ELP3: variants seen among roughly 807,000 people sequenced by gnomAD.
ELP3 encodes elongator complex protein 3.
ELP3 carries 56 observed loss-of-function variants against 74.9 expected under a neutral mutation model. The observed-to-expected ratio is 0.75, with a 90% CI of 0.60 to 0.93. The LOEUF (loss-of-function observed/expected upper bound fraction) is 0.93. Among genes scored for constraint, ELP3 ranks in the 40% least tolerant of loss-of-function variants. ELP3 has a pLI of 0.00. For synonymous variants in ELP3, 222 were observed against 239.8 expected, an observed-to-expected ratio of 0.93 and a Z score of 0.68; for missense variants, 573 against 686.5, an observed-to-expected ratio of 0.83 and a Z score of 1.85.
chr8:28,110,099 C>A (rs906924002), intron 5 of ELP3, among the ~76,000 whole-genome samples: 1 of 151,984 alleles, frequency 6.6e-6, no homozygotes, highest in Non-Finnish European at 1.5e-5. Context: ...CTTTGGTGAC[C>A]CTGGGATTCC....
chr8:28,110,543 G>GT, intron 6 of ELP3, 105 bp downstream of exon 6: 1 of 1,042,396 alleles, frequency 9.6e-7, no homozygotes, highest in Non-Finnish European at 1.4e-6. Flanking sequence ...TGAAAAAGGT[G>GT]TTTTTCCTCT....
chr8:28,150,275 GTT>G (rs1178128954), intron 10 of ELP3, among the ~76,000 whole-genome samples: 55 of 152,202 alleles, frequency 3.6e-4, no homozygotes, highest in African/African-American at 1.3e-3. Context: ...AAAAGGAAAG[GTT>G]TTATTTTACC....
Position 28,102,472 on chromosome 8 carries a change from A to G in ELP3, c.258+2506A>G, listed in dbSNP as rs188750052. ...ATTTTGTCCTACCTACATGAAATGC[A>G]TCTTTAACAGTGTCACAAGAGTGAT... On this transcript the variant is annotated intron_variant, in intron 3 of 14. Transcript: ENST00000256398. 4.6e-5 allele frequency among the ~76,000 whole-genome samples: 7 copies of G among 152,344 alleles called. No individual in the cohort carries two copies. The East Asian group carries it at 1.3e-3, about 29-fold the overall frequency.
intron 7 of ELP3, among the ~76,000 whole-genome samples, chr8:28,126,394 G>C (rs1284182052): frequency 4.6e-5 from 7 of 152,288 alleles, no homozygotes; most frequent in East Asian, 3.9e-4. Context: ...AGAGAACATA[G>C]CATCTTTTAT....
At chr8:28,148,644 A>G (rs1813523688) in intron 10 of ELP3, among the ~76,000 whole-genome samples, 1 of 152,202 alleles carries the variant, frequency 6.6e-6, no homozygotes, top group Admixed American at 6.5e-5. Context: ...TTTATCATGA[A>G]TGGGTGTTGG....
chr8:28,094,561 A>C (rs1465875465), intron 1 of ELP3, among the ~76,000 whole-genome samples: 1 of 152,162 alleles, frequency 6.6e-6, no homozygotes, highest in Non-Finnish European at 1.5e-5. Flanking sequence ...TCTACTAAAA[A>C]CACAAAAATT....
At chr8:28,112,967 G>C in intron 6 of ELP3, 52 bp from the exon 7 acceptor site, 7 of 1,537,146 alleles carry the variant, frequency 4.6e-6, no homozygotes, top group Non-Finnish European at 6.2e-6. Flanking sequence ...TGCCTTCTTA[G>C]AGTAGTTCCT....
At chr8:28,166,208 A>G (rs377570756) in intron 14 of ELP3, among the ~76,000 whole-genome samples, 1 of 152,334 alleles carries the variant, frequency 6.6e-6, no homozygotes. Context: ...GTTGGGCTAT[A>G]GGAAACTCAC....
chr8:28,173,357 T>C (rs1372442801), intron 14 of ELP3, among the ~76,000 whole-genome samples: 1 of 151,998 alleles, frequency 6.6e-6, no homozygotes, highest in Non-Finnish European at 1.5e-5. Flanking sequence ...TCTAGAAATT[T>C]GTTTCATCTA....
At chr8:28,108,032 T>G in intron 5 of ELP3, 56 bp downstream of exon 5, 1 of 1,478,484 alleles carries the variant, frequency 6.8e-7, no homozygotes, top group Non-Finnish European at 9.4e-7. Context: ...TTACCTGTAG[T>G]ATGGTTTTAC....
chr8:28,136,144 TAG>T (rs1812982633), intron 9 of ELP3, among the ~76,000 whole-genome samples: 1 of 152,026 alleles, frequency 6.6e-6, no homozygotes, highest in Non-Finnish European at 1.5e-5. Flanking sequence ...GTATTTTTAG[TAG>T]AGATGGGGTT....
chr8:28,132,201 T>C (rs1812808019), intron 8 of ELP3, 77 bp from the exon 9 acceptor site: 2 of 1,500,240 alleles, frequency 1.3e-6, no homozygotes, highest in Middle Eastern at 1.7e-4. Context: ...GTGTTAACTT[T>C]GTCACCCATT....
intron 10 of ELP3, among the ~76,000 whole-genome samples, chr8:28,151,770 C>T (rs995276034): frequency 2.6e-5 from 4 of 152,170 alleles, no homozygotes; most frequent in African/African-American, 9.7e-5. Flanking sequence ...ACTAGTTTCT[C>T]CTGCAGGAAG....
chr8:28,120,260 T>A (rs1812316372), intron 7 of ELP3, among the ~76,000 whole-genome samples: 1 of 152,226 alleles, frequency 6.6e-6, no homozygotes, highest in African/African-American at 2.4e-5. Context: ...AGTCACTCTT[T>A]TTAATTTTAG....
intron 10 of ELP3, among the ~76,000 whole-genome samples, chr8:28,139,561 A>G (rs909394075): frequency 1.3e-5 from 2 of 152,206 alleles, no homozygotes; most frequent in African/African-American, 4.8e-5. Flanking sequence ...TCTGTACTGA[A>G]CATGTATAGA....
Position 28,093,145 on chromosome 8 carries a change from C to T in ELP3, c.-70C>T, listed in dbSNP as rs534980216. ...ACAGGCGGGATTGTTTTGTGGCTGT[C>T]AGCTTTCCCCGTGGTCTGAGTTTGT... On this transcript the variant is annotated 5_prime_UTR_variant, in exon 1 of 15. Coordinates refer to ENST00000256398, the MANE Select transcript of ELP3 (RefSeq NM_018091.6). 3.3e-4 allele frequency: 527 copies of T among 1,592,198 alleles called. No individual in the cohort carries two copies. The highest frequency in any genetic ancestry group is 4.2e-4 in the Non-Finnish European group (493 of 1,170,674).
At chr8:28,164,729 T>G (rs1217070444) in intron 14 of ELP3, among the ~76,000 whole-genome samples, 1 of 152,186 alleles carries the variant, frequency 6.6e-6, no homozygotes, top group East Asian at 1.9e-4. Context: ...CTATTACTGT[T>G]CTGTGTAAGT....
At chr8:28,165,142 G>T (rs1240005975) in intron 14 of ELP3, among the ~76,000 whole-genome samples, 3 of 151,724 alleles carry the variant, frequency 2.0e-5, no homozygotes, top group African/African-American at 7.3e-5. Flanking sequence ...ACTCTCCATG[G>T]GCCTTTATTT....
At chr8:28,157,758 G>A (rs1021025576) in intron 11 of ELP3, among the ~76,000 whole-genome samples, 1 of 152,106 alleles carries the variant, frequency 6.6e-6, no homozygotes, top group Non-Finnish European at 1.5e-5. Context: ...TTATAATAAT[G>A]AAAAGGATTG....
Sources: gnomAD v4.1 joint callset for allele counts (sites outside exome capture counted in the v4.1 genomes callset) on GRCh38, gnomAD v4.1.1 for gene constraint, MANE v1.5 for transcripts, NCBI Gene and HGNC (gene_info 2026-07-23, HGNC 2026-07-21) for gene names.